CD247: variants seen among roughly 807,000 people sequenced by gnomAD.
CD247 encodes the protein CD247 molecule, also known as T-cell surface glycoprotein CD3 zeta chain.
In CD247, 13 loss-of-function variants were observed where a neutral mutation model predicts 30.0. The ratio of observed to expected loss-of-function variants is 0.43; its 90% CI spans 0.28 to 0.69. The LOEUF is 0.69. Ranked by LOEUF, CD247 falls within the 30% of genes least tolerant of loss-of-function variation. CD247 has a pLI of 0.16. For synonymous variants in CD247, 72 were observed against 80.0 expected, an observed-to-expected ratio of 0.90 and a Z score of 0.53; for missense variants, 193 against 212.6, an observed-to-expected ratio of 0.91 and a Z score of 0.57.
intron 1 of CD247, among the ~76,000 whole-genome samples, chr1:167,501,226 ATT>A (rs141428321): frequency 7.0e-6 from 1 of 143,884 alleles, no homozygotes; most frequent in Admixed American, 6.9e-5. Context: ...CTAATTTTGT[ATT>A]TTTTTTTTTC....
At chr1:167,513,523 G>C (rs1399721103) in intron 1 of CD247, among the ~76,000 whole-genome samples, 5 of 152,066 alleles carry the variant, frequency 3.3e-5, no homozygotes, top group Admixed American at 3.3e-4. Flanking sequence ...TAGTAACCTG[G>C]ATCAAACCAG....
chr1:167,513,200 T>C (rs1056239996), intron 1 of CD247, among the ~76,000 whole-genome samples: 4 of 152,130 alleles, frequency 2.6e-5, no homozygotes, highest in African/African-American at 9.7e-5. Context: ...AGGCTAAACA[T>C]GAAAACAATG....
chr1:167,444,930 CTT>C (rs748938948), intron 1 of CD247, among the ~76,000 whole-genome samples: 15 of 144,282 alleles, frequency 1.0e-4, no homozygotes, highest in East Asian at 2.0e-4. Flanking sequence ...AAATACGATA[CTT>C]TTTTTTTTTT....
chr1:167,475,093 C>T (rs1384103225), intron 1 of CD247, among the ~76,000 whole-genome samples: 2 of 152,062 alleles, frequency 1.3e-5, no homozygotes, highest in African/African-American at 2.4e-5. Context: ...TATCACAACC[C>T]TAAAACCAAC....
rs375019073 is a variant in CD247 at position 167,431,405 on chromosome 1, C to T, written c.*276G>A. ...CAGTGCGCCCGCCTCCCAGGGAGAACGAGGAACCGCCAGGAGACAGGTCTA... is the reference window on the plus strand; with the variant it reads ...CAGTGCGCCCGCCTCCCAGGGAGAATGAGGAACCGCCAGGAGACAGGTCTA... On this transcript the variant is annotated 3_prime_UTR_variant, in exon 8 of 8. Coordinates refer to ENST00000362089, the MANE Select transcript of CD247 (RefSeq NM_198053.3). 35 of 599,584 alleles carry T rather than the reference C, an allele frequency of 5.8e-5. No individual in the cohort carries two copies. The highest frequency in any genetic ancestry group is 1.6e-4 in the South Asian group (8 of 48,742). 37.1% of individuals were successfully genotyped at this position (599,584 alleles called of 1,614,324 possible). A position where few individuals can be genotyped will look rare whatever the true frequency, so the allele number is the denominator to read the frequency against.
chr1:167,474,196 G>A (rs183401888), intron 1 of CD247, among the ~76,000 whole-genome samples: 9 of 152,184 alleles, frequency 5.9e-5, no homozygotes, highest in Admixed American at 3.3e-4. Context: ...TCTTCTCCCT[G>A]GCTCTGAGTC....
intron 1 of CD247, among the ~76,000 whole-genome samples, chr1:167,481,450 G>A (rs991213577): frequency 3.3e-5 from 5 of 152,056 alleles, no homozygotes; most frequent in South Asian, 2.1e-4. Context: ...ATTTCATGAC[G>A]CAGGGGAGAA....
At chr1:167,483,231 C>T (rs569308191) in intron 1 of CD247, among the ~76,000 whole-genome samples, 1 of 152,218 alleles carries the variant, frequency 6.6e-6, no homozygotes, top group African/African-American at 2.4e-5. Flanking sequence ...TGGTCTCAAA[C>T]TCCCGACCTC....
rs1308726169 is a variant in CD247, at chr1:167,470,973, G to A, written c.59-30206C>T. Among the ~76,000 whole-genome samples the A allele has an allele frequency of 8.6e-5, 13 of 150,762 alleles. No homozygotes were observed. In the Admixed American group the frequency reaches 8.6e-4, roughly 10 times the overall value. On this transcript the variant is annotated intron_variant, in intron 1 of 7. Transcript: ENST00000362089. ...TGCAACCTCCACCTCCTGGGTTCAA[G>A]CAACTCTCCTGCCTCAGCTTCCCGA...
chr1:167,504,882 T>C (rs554510463), intron 1 of CD247, among the ~76,000 whole-genome samples: 1 of 152,346 alleles, frequency 6.6e-6, no homozygotes, highest in Non-Finnish European at 1.5e-5. Context: ...CAGGAAAATC[T>C]GGGCACGTCT....
intron 1 of CD247, among the ~76,000 whole-genome samples, chr1:167,464,420 G>T (rs2102035827): frequency 6.6e-6 from 1 of 152,214 alleles, no homozygotes; most frequent in African/African-American, 2.4e-5. Context: ...TTTCTTCAGG[G>T]GAAGATGGGT....
chr1:167,458,280 C>T (rs562284691), intron 1 of CD247, among the ~76,000 whole-genome samples: 4 of 152,388 alleles, frequency 2.6e-5, no homozygotes, highest in Admixed American at 6.5e-5. Context: ...GCTGTCCCCA[C>T]GTGCCTAGCC....
chr1:167,499,627 G>A (rs704853), intron 1 of CD247, among the ~76,000 whole-genome samples: 1 of 152,102 alleles, frequency 6.6e-6, no homozygotes, highest in South Asian at 2.1e-4. Context: ...ATGAAAAGTA[G>A]GCGTAATAAT....
At chr1:167,438,979 G>A (rs1285112224) in intron 3 of CD247, among the ~76,000 whole-genome samples, 1 of 152,170 alleles carries the variant, frequency 6.6e-6, no homozygotes, top group Non-Finnish European at 1.5e-5. Context: ...CAGTCCCATT[G>A]CACAGGGAGT....
rs536125007 is a variant in CD247, at chr1:167,487,144, C to T, written c.58+31264G>A. On this transcript the variant is annotated intron_variant, in intron 1 of 7. Coordinates refer to ENST00000362089, the MANE Select transcript of CD247 (RefSeq NM_198053.3). ...CTATAATTCCAGCACTTTGGGAGGC[C>T]GAGGTGTGTGGATCACGGGGTCAGG... Among the ~76,000 whole-genome samples, 7 of 144,828 alleles carry T rather than the reference C, an allele frequency of 4.8e-5. No homozygotes were observed. In the East Asian group the frequency reaches 1.0e-3, roughly 22 times the overall value.
chr1:167,452,989 G>A (rs962737872), intron 1 of CD247, among the ~76,000 whole-genome samples: 3 of 99,430 alleles, frequency 3.0e-5, no homozygotes, highest in East Asian at 7.3e-4. Context: ...AGAGCAATAT[G>A]TGTGTGTATG....
intron 6 of CD247, 138 bp downstream of exon 6, chr1:167,433,882 G>A (rs993901768): frequency 1.2e-6 from 1 of 817,930 alleles, no homozygotes; most frequent in Non-Finnish European, 2.2e-6. Context: ...TGACAGCCAG[G>A]TTCGCCTTCA....
chr1:167,446,603 C>T (rs948166127), intron 1 of CD247, among the ~76,000 whole-genome samples: 1 of 152,144 alleles, frequency 6.6e-6, no homozygotes, highest in Non-Finnish European at 1.5e-5. Flanking sequence ...GCCCTCTGAC[C>T]TCCCACACCA....
At chr1:167,468,957 TAA>T (rs372097556) in intron 1 of CD247, among the ~76,000 whole-genome samples, 7 of 133,266 alleles carry the variant, frequency 5.3e-5, no homozygotes, top group African/African-American at 1.4e-4. Flanking sequence ...CAAACTGCAA[TAA>T]AAAAAAAAAA....
Sources: allele counts gnomAD v4.1 joint callset (sites outside exome capture counted in the v4.1 genomes callset), GRCh38; gene constraint gnomAD v4.1.1; transcripts MANE v1.5; gene names NCBI Gene and HGNC (gene_info 2026-07-23, HGNC 2026-07-21).